Variants in MSRB3 observed in about 807,000 individuals in gnomAD.
MSRB3 encodes methionine-R-sulfoxide reductase B3.
MSRB3 carries 13 observed loss-of-function variants against 21.0 expected under a neutral mutation model. The observed-to-expected ratio is 0.62, with a 90% CI of 0.40 to 0.98. The LOEUF (loss-of-function observed/expected upper bound fraction) is 0.98, where lower values mean the gene tolerates loss of function less well. Ranked by LOEUF, MSRB3 falls within the 50% of genes least tolerant of loss-of-function variation. The probability of loss-of-function intolerance (pLI) is 0.00; values close to 1 mark genes in which losing one functional copy is unlikely to be tolerated. For synonymous variants in MSRB3, 87 were observed against 88.6 expected (o/e 0.98, Z 0.10); for missense variants, 199 against 230.3 (o/e 0.86, Z 0.88).
At chr12:65,290,023 A>G (rs966225433) in intron 1 of MSRB3, among the ~76,000 whole-genome samples, 4 of 151,936 alleles carry the variant, frequency 2.6e-5, no homozygotes, top group African/African-American at 9.7e-5. Flanking sequence ...CTACTTTTTA[A>G]TTTATTTATG....
chr12:65,407,338 G>GT lies in MSRB3; in HGVS notation c.292+38324dup, dbSNP rs111292244. Among the ~76,000 whole-genome samples the GT allele has an allele frequency of 1.5e-3, 213 of 143,854 alleles. 1 individual carries two copies. The highest frequency in any genetic ancestry group is 5.3e-3 in the South Asian group (24 of 4,552). 94.4% of individuals were successfully genotyped at this position (143,854 alleles called of 152,430 possible). A position where few individuals can be genotyped will look rare whatever the true frequency, so the allele number is the denominator to read the frequency against. On this transcript the variant is annotated intron_variant, in intron 5 of 6. Transcript: ENST00000308259. Reference sequence around the variant, plus strand: ...AGAGTACAGTATTCTGTCCTGGTATGTTTTTTTTTTTTCTTTTAACACTTT... The same window carrying GT: ...AGAGTACAGTATTCTGTCCTGGTATGTTTTTTTTTTTTTCTTTTAACACTTT...
intron 5 of MSRB3, among the ~76,000 whole-genome samples, chr12:65,435,008 G>T (rs1184525283): frequency 6.6e-6 from 1 of 151,852 alleles, no homozygotes; most frequent in Non-Finnish European, 1.5e-5. Flanking sequence ...TTTGATGGTG[G>T]CTGTGGAATG....
At chr12:65,405,024 T>C (rs1471815303) in intron 5 of MSRB3, among the ~76,000 whole-genome samples, 1 of 151,872 alleles carries the variant, frequency 6.6e-6, no homozygotes, top group Non-Finnish European at 1.5e-5. Flanking sequence ...GGTGCAGTCT[T>C]GGCTCACTGA....
chr12:65,376,164 G>A (rs1878606363), intron 5 of MSRB3, among the ~76,000 whole-genome samples: 1 of 141,572 alleles, frequency 7.1e-6, no homozygotes, highest in Admixed American at 7.7e-5. Flanking sequence ...CTTTCGCCCA[G>A]GCCAGAGTGC....
intron 5 of MSRB3, among the ~76,000 whole-genome samples, chr12:65,451,086 T>A (rs1882837853): frequency 2.6e-5 from 4 of 152,132 alleles, no homozygotes; most frequent in Non-Finnish European, 1.5e-5. Context: ...CATGATTCTC[T>A]TTTGAAATGC....
In MSRB3 at chr12:65,465,212, A is replaced by G. The variant is rs1254885969; in HGVS notation, c.*1890A>G. ...TGCTTTATAACATTAAGTCTGGCGGAATGGATGTCACTGTGCACAATAAAG... is the reference window on the plus strand; with the variant it reads ...TGCTTTATAACATTAAGTCTGGCGGGATGGATGTCACTGTGCACAATAAAG... On this transcript the variant is annotated 3_prime_UTR_variant, in exon 7 of 7. Coordinates refer to ENST00000308259, the MANE Select transcript of MSRB3 (RefSeq NM_001031679.3). 1.3e-5 allele frequency: 2 copies of G among 152,348 alleles called. No individual in the cohort carries two copies. Among genetic ancestry groups the G allele is most frequent in the East Asian group, 1.9e-4 (1 of 5,172 alleles). 9.4% of individuals were successfully genotyped at this position (152,348 alleles called of 1,614,324 possible).
intron 5 of MSRB3, among the ~76,000 whole-genome samples, chr12:65,422,961 CT>C (rs141803317): frequency 0.046 from 5,699 of 124,236 alleles, 305 homozygotes; most frequent in African/African-American, 0.16. Flanking sequence ...TTAGGGTTTT[CT>C]TTTTTTTTTT....
chr12:65,312,309 T>A (rs1874035795), intron 2 of MSRB3, among the ~76,000 whole-genome samples: 1 of 152,054 alleles, frequency 6.6e-6, no homozygotes, highest in South Asian at 2.1e-4. Flanking sequence ...TCTGCTGAGT[T>A]GTGGTGGGAG....
At chr12:65,364,934 A>G (rs1176339547) in intron 4 of MSRB3, among the ~76,000 whole-genome samples, 2 of 152,170 alleles carry the variant, frequency 1.3e-5, no homozygotes, top group Non-Finnish European at 2.9e-5. Context: ...AGAATTCTGC[A>G]GATTTTTTTA....
intron 2 of MSRB3, among the ~76,000 whole-genome samples, chr12:65,319,659 C>G (rs1174235706): frequency 6.6e-6 from 1 of 152,070 alleles, no homozygotes; most frequent in South Asian, 2.1e-4. Flanking sequence ...CATCACAGTT[C>G]TTGATTCACT....
intron 4 of MSRB3, among the ~76,000 whole-genome samples, chr12:65,343,952 A>T (rs941963552): frequency 6.6e-6 from 1 of 152,122 alleles, no homozygotes; most frequent in Non-Finnish European, 1.5e-5. Context: ...TTAAAGTCAC[A>T]ACTTTCCCCA....
intron 5 of MSRB3, among the ~76,000 whole-genome samples, chr12:65,416,131 G>A (rs1880960575): frequency 6.6e-6 from 1 of 152,210 alleles, no homozygotes; most frequent in Non-Finnish European, 1.5e-5. Flanking sequence ...TGTTGTCTTA[G>A]TCAACTTGGA....
At chr12:65,323,895 GT>G (rs1363049470) in intron 2 of MSRB3, among the ~76,000 whole-genome samples, 1 of 152,142 alleles carries the variant, frequency 6.6e-6, no homozygotes, top group Non-Finnish European at 1.5e-5. Flanking sequence ...ATTAAATGGT[GT>G]GGCAAGATAT....
intron 4 of MSRB3, among the ~76,000 whole-genome samples, chr12:65,363,675 T>C (rs538424326): frequency 6.6e-6 from 1 of 151,898 alleles, no homozygotes; most frequent in South Asian, 2.1e-4. Flanking sequence ...TCCAAAATAA[T>C]AGTGGCTTAA....
intron 5 of MSRB3, among the ~76,000 whole-genome samples, chr12:65,399,019 A>G (rs760777672): frequency 6.6e-6 from 1 of 152,098 alleles, no homozygotes; most frequent in Non-Finnish European, 1.5e-5. Flanking sequence ...GCCTTATAGT[A>G]TAGTTTGAAG....
At chr12:65,288,129 C>G (rs1280950744) in intron 1 of MSRB3, among the ~76,000 whole-genome samples, 3 of 151,702 alleles carry the variant, frequency 2.0e-5, no homozygotes, top group Non-Finnish European at 4.4e-5. Context: ...ATGGTGAAAC[C>G]CCATCTCTAC....
intron 1 of MSRB3, among the ~76,000 whole-genome samples, chr12:65,291,199 C>T (rs1872646391): frequency 6.6e-6 from 1 of 152,008 alleles, no homozygotes; most frequent in Non-Finnish European, 1.5e-5. Context: ...GATTCTCCTA[C>T]CTCAGCCTCC....
intron 5 of MSRB3, among the ~76,000 whole-genome samples, chr12:65,430,631 T>G (rs776382319): frequency 2.6e-5 from 4 of 152,154 alleles, no homozygotes; most frequent in Admixed American, 1.3e-4. Flanking sequence ...GTTTTTGTTG[T>G]TTGTTAATTT....
intron 4 of MSRB3, among the ~76,000 whole-genome samples, chr12:65,334,556 A>G (rs1431931189): frequency 2.0e-5 from 3 of 152,152 alleles, no homozygotes; most frequent in Non-Finnish European, 2.9e-5. Flanking sequence ...ACATCTCTCA[A>G]TTGTTTGAAA....
Sources: allele counts gnomAD v4.1 joint callset (sites outside exome capture counted in the v4.1 genomes callset), GRCh38; gene constraint gnomAD v4.1.1; transcripts MANE v1.5; gene names NCBI Gene and HGNC (gene_info 2026-07-23, HGNC 2026-07-21).